Variants in L2HGDH observed in about 807,000 individuals in gnomAD.
L2HGDH encodes L-2-hydroxyglutarate dehydrogenase, mitochondrial.
A neutral mutation model predicts 51.5 loss-of-function variants in L2HGDH; 34 were observed. The observed-to-expected ratio is 0.66, with a 90% CI of 0.50 to 0.88. The LOEUF (loss-of-function observed/expected upper bound fraction) is 0.88. L2HGDH is among the 40% of genes least tolerant of loss of function. The probability of loss-of-function intolerance (pLI) is 0.00; values close to 1 mark genes in which losing one functional copy is unlikely to be tolerated. For synonymous variants in L2HGDH, 198 were observed against 197.9 expected (o/e 1.00, Z -0.01); for missense variants, 558 against 571.9 (o/e 0.98, Z 0.25).
intron 2 of L2HGDH, 58 bp from the exon 3 acceptor site, chr14:50,302,226 G>C: frequency 1.3e-6 from 2 of 1,569,156 alleles, no homozygotes; most frequent in Non-Finnish European, 1.8e-6. Context: ...AAACATAAGA[G>C]GTAAGAGAAC....
At chr14:50,301,700 T>C (rs2030417176) in intron 3 of L2HGDH, among the ~76,000 whole-genome samples, 1 of 152,132 alleles carries the variant, frequency 6.6e-6, no homozygotes, top group African/African-American at 2.4e-5. Context: ...CTAATGGGTA[T>C]GGGGTGTCTT....
At chr14:50,264,343 A>G (rs1417221717) in intron 9 of L2HGDH, among the ~76,000 whole-genome samples, 2 of 152,048 alleles carry the variant, frequency 1.3e-5, no homozygotes, top group East Asian at 2.0e-4. Context: ...GTGCCATTGC[A>G]CTCCAGCCTG....
chr14:50,300,515 G>A (rs1210201433), intron 3 of L2HGDH, among the ~76,000 whole-genome samples: 1 of 151,890 alleles, frequency 6.6e-6, no homozygotes, highest in African/African-American at 2.4e-5. Flanking sequence ...GGCTGGTCTC[G>A]AACTCCTGAC....
chr14:50,254,461 T>C (rs1888542997), intron 9 of L2HGDH, among the ~76,000 whole-genome samples: 1 of 152,102 alleles, frequency 6.6e-6, no homozygotes, highest in Non-Finnish European at 1.5e-5. Flanking sequence ...GTGGCCTATT[T>C]TGTATACTAT....
At chr14:50,293,247 T>C in intron 4 of L2HGDH, 2 of 702,310 alleles carry the variant, frequency 2.8e-6, no homozygotes, top group East Asian at 2.7e-5. Context: ...GGGAAAATAA[T>C]GGTTTTTTGA....
chr14:50,266,580 T>C (rs2139973363), intron 8 of L2HGDH, among the ~76,000 whole-genome samples: 1 of 152,350 alleles, frequency 6.6e-6, no homozygotes, highest in East Asian at 1.9e-4. Flanking sequence ...AGGTTGAGGC[T>C]GCAGTGAGGA....
intron 3 of L2HGDH, among the ~76,000 whole-genome samples, chr14:50,297,483 A>G (rs1359101775): frequency 6.6e-6 from 1 of 152,198 alleles, no homozygotes; most frequent in African/African-American, 2.4e-5. Flanking sequence ...TTAGCAATGA[A>G]TTATAAAAAA....
At chr14:50,290,498 C>T (rs899792999) in intron 4 of L2HGDH, among the ~76,000 whole-genome samples, 5 of 152,152 alleles carry the variant, frequency 3.3e-5, no homozygotes, top group Admixed American at 6.6e-5. Flanking sequence ...GGGTAGGCAA[C>T]CTTTTTTATA....
chr14:50,311,933 CAG>C (rs2031230490), intron 1 of L2HGDH, 76 bp downstream of exon 1: 1 of 1,524,172 alleles, frequency 6.6e-7, no homozygotes, highest in African/African-American at 1.4e-5. Flanking sequence ...GAAATACGAA[CAG>C]GGGCACAGGT....
At chr14:50,264,352 T>C (rs1023853289) in intron 9 of L2HGDH, among the ~76,000 whole-genome samples, 2 of 152,068 alleles carry the variant, frequency 1.3e-5, no homozygotes, top group Non-Finnish European at 2.9e-5. Flanking sequence ...CACTCCAGCC[T>C]GGACAAGAAG....
Position 50,247,027 on chromosome 14 carries a change from A to T in L2HGDH, c.*31T>A. ...GTACATTCTTGTTGCTGACATGAAG[A>T]TTACAGTGCATACCTAGCTCCTTTC... On this transcript the variant is annotated 3_prime_UTR_variant, in exon 10 of 10. Coordinates refer to ENST00000267436, the MANE Select transcript of L2HGDH (RefSeq NM_024884.3). 6.2e-7 allele frequency: 1 copy of T among 1,601,630 alleles called. No homozygotes were observed. Among genetic ancestry groups the T allele is most frequent in the Non-Finnish European group, 8.5e-7 (1 of 1,171,580 alleles).
chr14:50,307,292 T>C (rs1005438102), intron 1 of L2HGDH, among the ~76,000 whole-genome samples: 1 of 152,244 alleles, frequency 6.6e-6, no homozygotes, highest in Admixed American at 6.5e-5. Context: ...AATATGCTTT[T>C]TCCAACTACA....
Position 50,302,013 on chromosome 14 carries a change from A to T in L2HGDH, c.408+4T>A, listed in dbSNP as rs1595144926. ...TTAGTCAAGGCTCTAATAAAATGCC[A>T]TACCTTGCCACACTGCTTGTAGGAA... On this transcript the variant is annotated splice_donor_region_variant and intron_variant, in intron 3 of 9. Coordinates refer to ENST00000267436, the MANE Select transcript of L2HGDH (RefSeq NM_024884.3). 1.2e-6 allele frequency: 2 copies of T among 1,614,116 alleles called. No homozygotes were observed. The highest frequency in any genetic ancestry group is 1.1e-5 in the South Asian group (1 of 91,086).
intron 1 of L2HGDH, among the ~76,000 whole-genome samples, chr14:50,304,100 T>C (rs2030588932): frequency 6.6e-6 from 1 of 152,222 alleles, no homozygotes; most frequent in Non-Finnish European, 1.5e-5. Context: ...TGGGATAGCT[T>C]ATTGCTCCTA....
chr14:50,277,760 G>A (rs1431392577), intron 6 of L2HGDH, among the ~76,000 whole-genome samples: 3 of 146,486 alleles, frequency 2.0e-5, no homozygotes, highest in African/African-American at 5.1e-5. Context: ...GCGACACAGT[G>A]AGACTCCGTC....
chr14:50,269,128 G>A, intron 7 of L2HGDH, 35 bp downstream of exon 7: 1 of 1,562,480 alleles, frequency 6.4e-7, no homozygotes, highest in Non-Finnish European at 8.8e-7. Flanking sequence ...CCACCTGCTT[G>A]AAAAAAATGA....
chr14:50,269,407 A>C (rs1889539140), intron 6 of L2HGDH, 77 bp from the exon 7 acceptor site: 1 of 1,358,804 alleles, frequency 7.4e-7, no homozygotes, highest in Admixed American at 1.8e-5. Context: ...AGGTGATAGA[A>C]AAGAAAAAAA....
rs949046965 is a variant in L2HGDH, at chr14:50,248,580, T to C, written c.1197-1327A>G. Among the ~76,000 whole-genome samples, 3 of 152,346 alleles carry C rather than the reference T, an allele frequency of 2.0e-5. No homozygotes were observed. In the East Asian group the frequency reaches 5.8e-4, roughly 29 times the overall value. ...TGCCTGAAATCACAGAGCTATACTATTCATTCGTAGAGAGGTAAATAAGAA... is the reference window on the plus strand; with the variant it reads ...TGCCTGAAATCACAGAGCTATACTACTCATTCGTAGAGAGGTAAATAAGAA... On this transcript the variant is annotated intron_variant, in intron 9 of 9. Coordinates refer to ENST00000267436, the MANE Select transcript of L2HGDH (RefSeq NM_024884.3).
rs796951922 is a variant in L2HGDH, at chr14:50,244,081, G to C, written c.*2977C>G. 2.0e-5 allele frequency: 3 copies of C among 151,754 alleles called. No individual in the cohort carries two copies. The highest frequency in any genetic ancestry group is 4.2e-4 in the South Asian group (2 of 4,796). 9.4% of individuals were successfully genotyped at this position (151,754 alleles called of 1,614,324 possible). A position where few individuals can be genotyped will look rare whatever the true frequency, so the allele number is the denominator to read the frequency against. On this transcript the variant is annotated 3_prime_UTR_variant, in exon 10 of 10. Transcript: ENST00000267436. ...CCACATTTTCTTAATCCAGTCTATC[G>C]TTGTTGGACATTTGGGTTGGTTCCA...
Sources: allele counts gnomAD v4.1 joint callset (sites outside exome capture counted in the v4.1 genomes callset), GRCh38; gene constraint gnomAD v4.1.1; transcripts MANE v1.5; gene names NCBI Gene and HGNC (gene_info 2026-07-23, HGNC 2026-07-21).